MMP7: variants seen among roughly 807,000 people sequenced by gnomAD.
MMP7 encodes the protein matrix metallopeptidase 7.
MMP7 carries 26 observed loss-of-function variants against 31.5 expected under a neutral mutation model. The ratio of observed to expected loss-of-function variants is 0.83; its 90% CI spans 0.61 to 1.15. The LOEUF is 1.15. Among genes scored for constraint, MMP7 ranks in the 50% most tolerant of loss-of-function variants. The pLI is 0.00. For missense variants in MMP7, 367 were observed against 326.5 expected, an observed-to-expected ratio of 1.12 and a Z score of -0.96; for synonymous variants, 142 against 124.2, an observed-to-expected ratio of 1.14 and a Z score of -0.95.
chr11:102,526,240 A>ATTTTTTT (rs762318650), intron 3 of MMP7, among the ~76,000 whole-genome samples: 7 of 131,492 alleles, frequency 5.3e-5, no homozygotes, highest in African/African-American at 1.7e-4. Flanking sequence ...ATATATATAT[A>ATTTTTTT]TTTTTTTTTT....
In MMP7 at chr11:102,527,960, G is replaced by A. The variant is rs772371279; in HGVS notation, c.132C>T (p.Leu44=). The A allele has an allele frequency of 1.2e-6, 2 of 1,613,566 alleles. No homozygotes were observed. Among genetic ancestry groups the A allele is most frequent in the Non-Finnish European group, 1.7e-6 (2 of 1,179,788 alleles). Residue 44 remains leucine (L), a synonymous_variant, in exon 2 of 6, where the codon CTC becomes CTT. Coordinates refer to ENST00000260227, the MANE Select transcript of MMP7 (RefSeq NM_002423.5). ...QAQDYLKRFY[L]YDSETKNANS... ...TGGCATTTTTTGTTTCTGAGTCATAGAGATAAAATCTCTTGAGATAGTCCT... is the reference window on the plus strand; with the variant it reads ...TGGCATTTTTTGTTTCTGAGTCATAAAGATAAAATCTCTTGAGATAGTCCT...
At chr11:102,527,382 T>C (rs1221001207) in intron 3 of MMP7, 142 bp downstream of exon 3, 1 of 1,027,946 alleles carries the variant, frequency 9.7e-7, no homozygotes. Context: ...ATTATAATAA[T>C]ATTGCTAAAT....
intron 3 of MMP7, among the ~76,000 whole-genome samples, chr11:102,525,986 C>T (rs929253042): frequency 1.1e-4 from 16 of 151,786 alleles, no homozygotes; most frequent in Middle Eastern, 3.4e-3. Flanking sequence ...ACATTTTCTT[C>T]GGTGTTGTCA....
rs927786351 is a variant in MMP7 at position 102,520,746 on chromosome 11, A to C, written c.*30T>G. 2 of 1,528,392 alleles carry C rather than the reference A, an allele frequency of 1.3e-6. No homozygotes were observed. Among genetic ancestry groups the C allele is most frequent in the African/African-American group, 1.4e-5 (1 of 73,348 alleles). The allele number at this position is 1,528,392 out of a possible 1,614,324, so 94.7% of individuals were successfully genotyped here. On this transcript the variant is annotated 3_prime_UTR_variant, in exon 6 of 6. Coordinates refer to ENST00000260227, the MANE Select transcript of MMP7 (RefSeq NM_002423.5). ...GCAACAATGATATACAATCCAATGA[A>C]TGAATGAATGGATGTTCTGCCTGAA...
In MMP7 at chr11:102,522,134, T is replaced by A. The variant is rs1858620045; in HGVS notation, c.775+1106A>T. On this transcript the variant is annotated intron_variant, in intron 5 of 5. Coordinates refer to ENST00000260227, the MANE Select transcript of MMP7 (RefSeq NM_002423.5). Reference sequence around the variant, plus strand: ...AGTGTTTCTTGAACTTATTTCTCCATAGCCTCCTTTTCTGGGAATCACCCT... The same window carrying A: ...AGTGTTTCTTGAACTTATTTCTCCAAAGCCTCCTTTTCTGGGAATCACCCT... Among the ~76,000 whole-genome samples the A allele has an allele frequency of 2.0e-5, 3 of 152,248 alleles. No individual in the cohort carries two copies. In the South Asian group the frequency reaches 6.2e-4, roughly 32 times the overall value.
At position 102,520,659 on chromosome 11, in the gene MMP7, TAA is replaced by T. The variant is rs1025434089; in HGVS notation, c.*115_*116del. 5.1e-5 allele frequency: 41 copies of T among 798,960 alleles called. No individual in the cohort carries two copies. The highest frequency in any genetic ancestry group is 7.6e-5 in the Non-Finnish European group (39 of 514,502). 49.5% of individuals were successfully genotyped at this position (798,960 alleles called of 1,614,324 possible). A position where few individuals can be genotyped will look rare whatever the true frequency, so the allele number is the denominator to read the frequency against. ...AAAGACATTCAAAAACCAACTGCAATAAAAAAGGGTGACATAATTGCTAAATG... is the reference window on the plus strand; with the variant it reads ...AAAGACATTCAAAAACCAACTGCAATAAAAGGGTGACATAATTGCTAAATG... On this transcript the variant is annotated 3_prime_UTR_variant, in exon 6 of 6. Transcript: ENST00000260227.
Position 102,527,529 on chromosome 11 carries a change from C to G in MMP7, c.479G>C (p.Arg160Pro), listed in dbSNP as rs751581884. ...GTADIMIGFA[R>P]GAHGDSYPFD... The stretch of plus-strand genomic sequence containing the variant: ...CCTACAGGAATCTTTCTTACCTCCT[C>G]GCGCAAAGCCAATCATGATGTCAGC... Residue 160 changes from arginine (R) to proline (P), a missense_variant, in exon 3 of 6, where the codon CGA becomes CCA. Coordinates refer to ENST00000260227, the MANE Select transcript of MMP7 (RefSeq NM_002423.5). 3.1e-6 allele frequency: 5 copies of G among 1,614,066 alleles called. 1 individual carries two copies. The South Asian group carries it at 4.4e-5, about 14-fold the overall frequency.
intron 3 of MMP7, among the ~76,000 whole-genome samples, chr11:102,525,830 G>A (rs1356689620): frequency 1.3e-5 from 2 of 148,728 alleles, no homozygotes; most frequent in Admixed American, 1.4e-4. Flanking sequence ...GTCTCTTAGA[G>A]AGCCATGCTC....
intron 3 of MMP7, among the ~76,000 whole-genome samples, chr11:102,526,240 AT>A (rs762318650): frequency 5.8e-4 from 76 of 131,472 alleles, no homozygotes; most frequent in African/African-American, 1.8e-3. Context: ...ATATATATAT[AT>A]TTTTTTTTTT....
chr11:102,530,742 T>C lies in MMP7; in HGVS notation c.-42A>G. On this transcript the variant is annotated 5_prime_UTR_variant, in exon 1 of 6. Transcript: ENST00000260227. ...CAATTGTTCTTGGACCTATGGTTGA[T>C]TTGGTGTTTTCTGCTAGTGACTGCA... 1 of 1,574,466 alleles carries C rather than the reference T, an allele frequency of 6.4e-7. No individual in the cohort carries two copies. Among genetic ancestry groups the C allele is most frequent in the Non-Finnish European group, 8.7e-7 (1 of 1,149,956 alleles).
intron 1 of MMP7, among the ~76,000 whole-genome samples, chr11:102,529,712 T>C (rs966340167): frequency 6.6e-6 from 1 of 152,174 alleles, no homozygotes; most frequent in African/African-American, 2.4e-5. Context: ...GTTAACCAAA[T>C]AATAATTAGT....
rs1419948108 is a variant in MMP7 at position 102,525,013 on chromosome 11, G to A, written c.536C>T (p.Ala179Val). The A allele has an allele frequency of 3.1e-6, 5 of 1,613,548 alleles. No individual in the cohort carries two copies. The African/African-American group carries it at 5.3e-5, about 17-fold the overall frequency. ...TCCGAGACCTGTCCCAGGCGCAAAGGCATGAGCCAGCGTGTTTCCTGGCCC... is the reference window on the plus strand; with the variant it reads ...TCCGAGACCTGTCCCAGGCGCAAAGACATGAGCCAGCGTGTTTCCTGGCCC... Reference protein sequence around the residue: ...FDGPGNTLAHAFAPGTGLGGD... With the variant: ...FDGPGNTLAHVFAPGTGLGGD... Residue 179 changes from alanine to valine, a missense_variant, in exon 4 of 6, where the codon GCC (alanine) becomes GTC (valine). Transcript: ENST00000260227.
chr11:102,523,768 T>C (rs1339540386), intron 4 of MMP7, among the ~76,000 whole-genome samples: 1 of 152,196 alleles, frequency 6.6e-6, no homozygotes, highest in Non-Finnish European at 1.5e-5. Flanking sequence ...GATTAATTGA[T>C]GTTGCTGAGT....
chr11:102,524,070 T>C (rs945414684), intron 4 of MMP7, among the ~76,000 whole-genome samples: 1 of 152,190 alleles, frequency 6.6e-6, no homozygotes, highest in Non-Finnish European at 1.5e-5. Flanking sequence ...TGTGAGCCCG[T>C]GCGTTTGAGG....
chr11:102,523,515 G>T, intron 4 of MMP7, 114 bp from the exon 5 acceptor site: 1 of 827,740 alleles, frequency 1.2e-6, no homozygotes, highest in Non-Finnish European at 1.7e-6. Context: ...CCAAGTTTTA[G>T]CCCACGGTAG....
At chr11:102,525,244 TCTGG>T (rs1429487377) in intron 3 of MMP7, among the ~76,000 whole-genome samples, 180 bp from the exon 4 acceptor site, 1 of 152,016 alleles carries the variant, frequency 6.6e-6, no homozygotes, top group Non-Finnish European at 1.5e-5. Context: ...TTGAGACCTG[TCTGG>T]CTAACATGGT....
At chr11:102,522,395 G>C (rs1316202267) in intron 5 of MMP7, among the ~76,000 whole-genome samples, 3 of 152,204 alleles carry the variant, frequency 2.0e-5, no homozygotes, top group Non-Finnish European at 4.4e-5. Flanking sequence ...AGTTATATCT[G>C]CTGATTTAAA....
chr11:102,526,324 C>G (rs1439075919), intron 3 of MMP7, among the ~76,000 whole-genome samples: 3 of 151,272 alleles, frequency 2.0e-5, no homozygotes, highest in Non-Finnish European at 2.9e-5. Context: ...ATTGCAACCT[C>G]TGCCTCCCAG....
intron 1 of MMP7, among the ~76,000 whole-genome samples, chr11:102,529,392 G>A (rs1858707596): frequency 6.6e-6 from 1 of 152,166 alleles, no homozygotes; most frequent in African/African-American, 2.4e-5. Flanking sequence ...TTGTTGAGAT[G>A]ACTTTTCCTG....
Sources: gnomAD v4.1 joint callset for allele counts (sites outside exome capture counted in the v4.1 genomes callset) on GRCh38, gnomAD v4.1.1 for gene constraint, MANE v1.5 for transcripts, NCBI Gene and HGNC (gene_info 2026-07-23, HGNC 2026-07-21) for gene names.